The following SPATA16 variants were observed in gnomAD, a reference collection of about 807,000 sequenced individuals.
SPATA16 encodes spermatogenesis associated 16.
In SPATA16, 36 loss-of-function variants were observed where a neutral mutation model predicts 63.3. That is an observed-to-expected ratio of 0.57 (90% CI 0.44 to 0.75). The LOEUF (loss-of-function observed/expected upper bound fraction) is 0.75, where lower values mean the gene tolerates loss of function less well. Among genes scored for constraint, SPATA16 ranks in the 30% least tolerant of loss-of-function variants. The pLI, the probability that SPATA16 is intolerant of heterozygous loss-of-function variation, is 0.00. For synonymous variants in SPATA16, 203 were observed against 216.7 expected (o/e 0.94, Z 0.56); for missense variants, 646 against 679.3 (o/e 0.95, Z 0.54).
intron 5 of SPATA16, 31 bp from the exon 6 acceptor site, chr3:172,956,855 C>G: frequency 6.2e-7 from 1 of 1,612,186 alleles, no homozygotes; most frequent in South Asian, 1.1e-5. Context: ...CATTTGGCAT[C>G]AATAACAATA....
intron 2 of SPATA16, among the ~76,000 whole-genome samples, chr3:173,049,488 T>G (rs1736033041): frequency 6.6e-6 from 1 of 152,132 alleles, no homozygotes; most frequent in African/African-American, 2.4e-5. Flanking sequence ...ATAAATCATA[T>G]TAAATACCAG....
At chr3:173,022,747 A>T (rs981470468) in intron 3 of SPATA16, among the ~76,000 whole-genome samples, 5 of 151,978 alleles carry the variant, frequency 3.3e-5, no homozygotes, top group African/African-American at 1.2e-4. Context: ...TTACAGTGAA[A>T]AAAAAAAAAA....
intron 8 of SPATA16, among the ~76,000 whole-genome samples, chr3:172,922,051 A>G (rs891471151): frequency 6.6e-6 from 1 of 152,240 alleles, no homozygotes; most frequent in African/African-American, 2.4e-5. Context: ...GTTACAGTCA[A>G]TGGTACCGTG....
At chr3:173,041,653 T>A (rs1735842953) in intron 3 of SPATA16, among the ~76,000 whole-genome samples, 1 of 152,140 alleles carries the variant, frequency 6.6e-6, no homozygotes, top group African/African-American at 2.4e-5. Flanking sequence ...TTCCCTATTA[T>A]TTTACTATAG....
rs146280192 is a variant in SPATA16, at chr3:173,094,270, G to A, written c.612+22850C>T. 1.7e-4 allele frequency among the ~76,000 whole-genome samples: 26 copies of A among 152,186 alleles called. No homozygotes were observed. In the East Asian group the frequency reaches 2.5e-3, roughly 15 times the overall value. ...ATAAGAACAACATCCAAGGGTCACC[G>A]TCCCACTATATAGTTTGCCTGGTAG... is the stretch of plus-strand genomic sequence containing the variant. On this transcript the variant is annotated intron_variant, in intron 2 of 10. Coordinates refer to ENST00000351008, the MANE Select transcript of SPATA16 (RefSeq NM_031955.6).
intron 3 of SPATA16, among the ~76,000 whole-genome samples, chr3:173,037,070 A>G (rs1735729419): frequency 6.6e-6 from 1 of 152,020 alleles, no homozygotes; most frequent in Non-Finnish European, 1.5e-5. Flanking sequence ...GTTTAAAAAT[A>G]TGGTAAAATC....
At chr3:172,890,048 C>CA (rs1216728829) in intron 10 of SPATA16, among the ~76,000 whole-genome samples, 2 of 152,158 alleles carry the variant, frequency 1.3e-5, no homozygotes, top group Non-Finnish European at 2.9e-5. Flanking sequence ...GCCTTTTCTC[C>CA]ATCTCCTTTA....
chr3:172,966,071 G>A (rs1440293148), intron 5 of SPATA16, among the ~76,000 whole-genome samples: 1 of 152,164 alleles, frequency 6.6e-6, no homozygotes, highest in African/African-American at 2.4e-5. Flanking sequence ...GCACCTGTGA[G>A]AAATGCAATG....
rs367555930 is a variant in SPATA16 at position 173,069,251 on chromosome 3, G to C, written c.613-20157C>G. On this transcript the variant is annotated intron_variant, in intron 2 of 10. Coordinates refer to ENST00000351008, the MANE Select transcript of SPATA16 (RefSeq NM_031955.6). ...ATTAACAAACTTTTAGCAAGACTAA[G>C]AAAAAAAGAAAGAAGAGCCAAATAA... is the stretch of plus-strand genomic sequence containing the variant. Among the ~76,000 whole-genome samples, 15 of 151,574 alleles carry C rather than the reference G, an allele frequency of 9.9e-5. 2 individuals carry two copies. Among genetic ancestry groups the C allele is most frequent in the African/African-American group, 3.6e-4 (15 of 41,328 alleles).
chr3:172,937,969 G>C (rs1043024774), intron 6 of SPATA16, among the ~76,000 whole-genome samples: 28 of 152,108 alleles, frequency 1.8e-4, no homozygotes, highest in Admixed American at 1.8e-3. Flanking sequence ...TCCTGAGAAG[G>C]GGGGTAAACA....
At chr3:172,897,713 A>G (rs1212946678) in intron 10 of SPATA16, among the ~76,000 whole-genome samples, 1 of 152,054 alleles carries the variant, frequency 6.6e-6, no homozygotes, top group Non-Finnish European at 1.5e-5. Flanking sequence ...AGGGAAGGGC[A>G]GATTTATTTC....
chr3:173,138,045 A>G (rs529805586), intron 1 of SPATA16, among the ~76,000 whole-genome samples: 2 of 152,066 alleles, frequency 1.3e-5, no homozygotes, highest in East Asian at 3.9e-4. Flanking sequence ...TACATCTTCA[A>G]GTTAACAAAA....
intron 3 of SPATA16, among the ~76,000 whole-genome samples, chr3:173,023,881 A>G (rs1188393585): frequency 1.3e-5 from 2 of 151,182 alleles, no homozygotes; most frequent in Admixed American, 1.3e-4. Flanking sequence ...ATATATTCTC[A>G]TGTAGAATTT....
At chr3:173,069,241 G>C (rs117883906) in intron 2 of SPATA16, among the ~76,000 whole-genome samples, 1 of 151,802 alleles carries the variant, frequency 6.6e-6, no homozygotes, top group Admixed American at 6.6e-5. Context: ...CAAACTTTTA[G>C]CAAGACTAAG....
rs765621350 is a variant in SPATA16, at chr3:173,117,683, A to G, written c.49T>C (p.Tyr17His). ...RSLENAVNRI[Y>H]HDQLVPKINT... ...ATCTTTGGAACAAGCTGATCATGAT[A>G]GATCCTATTCACTGCATTCTCCAAA... The change falls in exon 2 of 11, where the codon TAT (tyrosine) becomes CAT (histidine). Residue 17 changes from tyrosine to histidine, a missense_variant. Tyr to His is a moderately conservative substitution (Grantham distance 83). Coordinates refer to ENST00000351008, the MANE Select transcript of SPATA16 (RefSeq NM_031955.6). The G allele has an allele frequency of 3.7e-6, 6 of 1,614,042 alleles. No homozygotes were observed. Among genetic ancestry groups the G allele is most frequent in the South Asian group, 1.1e-5 (1 of 91,088 alleles).
chr3:173,106,998 T>G (rs1336660682), intron 2 of SPATA16, among the ~76,000 whole-genome samples: 1 of 152,212 alleles, frequency 6.6e-6, no homozygotes, highest in Non-Finnish European at 1.5e-5. Context: ...GTTCATATTG[T>G]GTATATCATA....
chr3:173,062,927 G>A (rs1417800236), intron 2 of SPATA16, among the ~76,000 whole-genome samples: 3 of 152,180 alleles, frequency 2.0e-5, no homozygotes, highest in Non-Finnish European at 2.9e-5. Flanking sequence ...AGACTCTAAT[G>A]CCCCCGCTGA....
intron 4 of SPATA16, among the ~76,000 whole-genome samples, chr3:173,011,236 G>A (rs79545866): frequency 6.6e-6 from 1 of 152,080 alleles, no homozygotes; most frequent in Non-Finnish European, 1.5e-5. Context: ...TTCATTCCTG[G>A]GGTACAAGGT....
intron 3 of SPATA16, among the ~76,000 whole-genome samples, chr3:173,038,637 TG>T (rs1430884563): frequency 6.6e-6 from 1 of 152,082 alleles, no homozygotes; most frequent in African/African-American, 2.4e-5. Flanking sequence ...CATGTCCCCA[TG>T]GGGACCATCA....
Sources: gnomAD v4.1 joint callset for allele counts (sites outside exome capture counted in the v4.1 genomes callset) on GRCh38, gnomAD v4.1.1 for gene constraint, MANE v1.5 for transcripts, NCBI Gene and HGNC (gene_info 2026-07-23, HGNC 2026-07-21) for gene names.